Variants in FILIP1 observed in about 807,000 individuals in gnomAD.
FILIP1 encodes the protein filamin-A-interacting protein 1.
A neutral mutation model predicts 102.1 loss-of-function variants in FILIP1; 61 were observed. The observed-to-expected ratio is 0.60, with a 90% CI of 0.49 to 0.74. The LOEUF is 0.74. Among genes scored for constraint, FILIP1 ranks in the 30% least tolerant of loss-of-function variants. The pLI, the probability that FILIP1 is intolerant of heterozygous loss-of-function variation, is 0.00. For missense variants in FILIP1, 1,314 were observed against 1,441.2 expected, an observed-to-expected ratio of 0.91 and a Z score of 1.43; for synonymous variants, 491 against 526.9, an observed-to-expected ratio of 0.93 and a Z score of 0.93.
chr6:75,351,133 C>T (rs1774787615), intron 4 of FILIP1, among the ~76,000 whole-genome samples: 1 of 152,172 alleles, frequency 6.6e-6, no homozygotes, highest in South Asian at 2.1e-4. Context: ...ATGACGCGAT[C>T]TTGGCTCACT....
chr6:75,474,493 G>A (rs1779418066), intron 1 of FILIP1, among the ~76,000 whole-genome samples: 1 of 152,178 alleles, frequency 6.6e-6, no homozygotes, highest in Admixed American at 6.5e-5. Flanking sequence ...ACCCGACAAT[G>A]GGTCTTGCTT....
chr6:75,306,532 G>A (rs897888467), downstream of FILIP1, among the ~76,000 whole-genome samples: 3 of 152,180 alleles, frequency 2.0e-5, no homozygotes, highest in East Asian at 3.9e-4. Flanking sequence ...GTACACATTA[G>A]TAAAAACAGT....
At chr6:75,428,497 T>A (rs1777709767) in intron 1 of FILIP1, 1 of 154,372 alleles carries the variant, frequency 6.5e-6, no homozygotes, top group Admixed American at 6.5e-5. Context: ...TTCTAGGTGA[T>A]GCTGATGCTG....
At chr6:75,442,159 G>T (rs1191494009) in intron 1 of FILIP1, among the ~76,000 whole-genome samples, 1 of 152,012 alleles carries the variant, frequency 6.6e-6, no homozygotes, top group Non-Finnish European at 1.5e-5. Flanking sequence ...GACAATGGGT[G>T]GCCGGGCAGA....
At position 75,308,260 on chromosome 6, in the gene FILIP1, A is replaced by G. The variant is rs570608319; in HGVS notation, c.*431T>C. On this transcript the variant is annotated 3_prime_UTR_variant, in exon 6 of 6. Coordinates refer to ENST00000237172, the MANE Select transcript of FILIP1 (RefSeq NM_015687.5). ...GTGAAAGAGGCAAATGACAATAGTT[A>G]AAGTATGTCTTATTTTGTAATAGGA... 3.2e-3 allele frequency: 3,161 copies of G among 989,216 alleles called. 8 individuals carry two copies. The highest frequency in any genetic ancestry group is 3.6e-3 in the Non-Finnish European group (2,964 of 830,906). 61.3% of individuals were successfully genotyped at this position (989,216 alleles called of 1,614,324 possible).
intron 1 of FILIP1, among the ~76,000 whole-genome samples, chr6:75,418,060 T>G (rs1016377993): frequency 6.6e-6 from 1 of 152,214 alleles, no homozygotes; most frequent in Admixed American, 6.5e-5. Context: ...TAGCTGGGCA[T>G]GGTGGCGTGC....
intron 1 of FILIP1, among the ~76,000 whole-genome samples, chr6:75,474,075 T>C (rs1779407435): frequency 1.3e-5 from 2 of 152,186 alleles, no homozygotes; most frequent in South Asian, 4.1e-4. Flanking sequence ...AGTTCATGCT[T>C]ACTGTAGAAA....
chr6:75,336,475 G>A (rs557123700), intron 4 of FILIP1, among the ~76,000 whole-genome samples: 1 of 151,982 alleles, frequency 6.6e-6, no homozygotes, highest in East Asian at 1.9e-4. Flanking sequence ...TAAACTTGTG[G>A]TCTAATTTTG....
At chr6:75,369,043 A>G (rs991892518) in intron 2 of FILIP1, among the ~76,000 whole-genome samples, 1 of 152,178 alleles carries the variant, frequency 6.6e-6, no homozygotes, top group Non-Finnish European at 1.5e-5. Context: ...CAGCATCAAA[A>G]ATACTTAAAA....
chr6:75,391,359 TG>T (rs1776274317), intron 2 of FILIP1, among the ~76,000 whole-genome samples: 2 of 152,292 alleles, frequency 1.3e-5, no homozygotes, highest in Non-Finnish European at 2.9e-5. Context: ...TAACTTTAAC[TG>T]GGCTGTTAAT....
intron 1 of FILIP1, among the ~76,000 whole-genome samples, chr6:75,460,795 C>T (rs1778999588): frequency 6.6e-6 from 1 of 152,076 alleles, no homozygotes; most frequent in Non-Finnish European, 1.5e-5. Context: ...ACTGAGCTTT[C>T]TGAGTGTTAC....
At chr6:75,467,764 G>A (rs1432165551) in intron 1 of FILIP1, among the ~76,000 whole-genome samples, 2 of 152,158 alleles carry the variant, frequency 1.3e-5, no homozygotes, top group Non-Finnish European at 2.9e-5. Context: ...ACAGAAAGCA[G>A]GTGGTATTAG....
chr6:75,339,275 T>C (rs1043767878), intron 4 of FILIP1, among the ~76,000 whole-genome samples: 1 of 152,248 alleles, frequency 6.6e-6, no homozygotes, highest in Non-Finnish European at 1.5e-5. Context: ...TCTTAAAATG[T>C]CTCATCTACT....
intron 4 of FILIP1, among the ~76,000 whole-genome samples, chr6:75,321,796 G>A (rs1161471300): frequency 3.4e-5 from 5 of 146,070 alleles, no homozygotes; most frequent in Non-Finnish European, 6.0e-5. Flanking sequence ...GCGAGACTCC[G>A]TCTCAAAAAA....
intron 1 of FILIP1, among the ~76,000 whole-genome samples, chr6:75,462,603 CAT>C (rs928486931): frequency 1.3e-5 from 2 of 152,016 alleles, no homozygotes; most frequent in East Asian, 1.9e-4. Context: ...TATACACACA[CAT>C]ACATATACCT....
intron 1 of FILIP1, among the ~76,000 whole-genome samples, chr6:75,489,918 T>A (rs770688844): frequency 2.6e-5 from 4 of 152,100 alleles, no homozygotes; most frequent in Non-Finnish European, 4.4e-5. Flanking sequence ...ACCTTTCTGT[T>A]GAAATAAATC....
At chr6:75,297,463 C>CTA (rs761919492) in intron 6 of FILIP1, among the ~76,000 whole-genome samples, 1 of 152,098 alleles carries the variant, frequency 6.6e-6, no homozygotes, top group Admixed American at 6.6e-5. Context: ...GTAAGATGAA[C>CTA]TATAGAATGT....
At chr6:75,419,316 A>G (rs1014225279) in intron 1 of FILIP1, among the ~76,000 whole-genome samples, 1 of 152,026 alleles carries the variant, frequency 6.6e-6, no homozygotes, top group Non-Finnish European at 1.5e-5. Context: ...CCCACCACCA[A>G]CAAAAACTTC....
chr6:75,316,021 T>G (rs1303349178), intron 4 of FILIP1, among the ~76,000 whole-genome samples: 2 of 152,198 alleles, frequency 1.3e-5, no homozygotes. Context: ...AAACAATACT[T>G]TTTTAATCAA....
Sources: allele counts gnomAD v4.1 joint callset (sites outside exome capture counted in the v4.1 genomes callset), GRCh38; gene constraint gnomAD v4.1.1; transcripts MANE v1.5; gene names NCBI Gene and HGNC (gene_info 2026-07-23, HGNC 2026-07-21).